Variants in PPM1L observed in about 807,000 individuals in gnomAD.
PPM1L encodes the protein protein phosphatase 1L.
Under a neutral mutation model 31.4 loss-of-function variants are expected in PPM1L, and 13 were observed. That is an observed-to-expected ratio of 0.41 (90% CI 0.27 to 0.66). The LOEUF is 0.66. Among genes scored for constraint, PPM1L ranks in the 30% least tolerant of loss-of-function variants. The pLI is 0.29. For missense variants in PPM1L, 326 were observed against 453.7 expected (o/e 0.72, Z 2.56); for synonymous variants, 184 against 175.4 (o/e 1.05, Z -0.39).
intron 1 of PPM1L, among the ~76,000 whole-genome samples, chr3:160,903,208 T>TTTTGTG (rs1713617286): frequency 8.3e-6 from 1 of 120,038 alleles, no homozygotes; most frequent in Non-Finnish European, 1.7e-5. Context: ...GTGTGTATGT[T>TTTTGTG]TGTGTGTGTG....
chr3:160,979,055 G>A (rs1007822550), intron 2 of PPM1L, among the ~76,000 whole-genome samples: 2 of 151,886 alleles, frequency 1.3e-5, no homozygotes, highest in Non-Finnish European at 2.9e-5. Flanking sequence ...GAAGATGAAA[G>A]AAAAGATGTT....
At chr3:160,825,973 C>T (rs905693891) in intron 1 of PPM1L, among the ~76,000 whole-genome samples, 4 of 152,104 alleles carry the variant, frequency 2.6e-5, no homozygotes, top group African/African-American at 9.7e-5. Flanking sequence ...TGCCTTCCTG[C>T]TCAGACTTTT....
chr3:161,002,461 A>T (rs1220587380), intron 2 of PPM1L, among the ~76,000 whole-genome samples: 1 of 152,134 alleles, frequency 6.6e-6, no homozygotes, highest in Non-Finnish European at 1.5e-5. Context: ...CCAACAGCGT[A>T]AAAGTGTTCC....
chr3:160,873,070 T>A (rs56665329), intron 1 of PPM1L, among the ~76,000 whole-genome samples: 56,375 of 152,202 alleles, frequency 0.37, 13,334 homozygotes, highest in Non-Finnish European at 0.53. Flanking sequence ...TAAAGATGAT[T>A]TTTAAAAAAG....
intron 1 of PPM1L, among the ~76,000 whole-genome samples, chr3:160,838,240 T>C (rs1713776144): frequency 6.6e-6 from 1 of 152,194 alleles, no homozygotes; most frequent in South Asian, 2.1e-4. Flanking sequence ...AGAACATGGA[T>C]AATGAAATGA....
In PPM1L at chr3:160,786,132, T is replaced by A. The variant is rs1352618643; in HGVS notation, c.399+29425T>A. Among the ~76,000 whole-genome samples the A allele has an allele frequency of 1.6e-3, 110 of 68,156 alleles. 1 individual carries two copies. Among genetic ancestry groups the A allele is most frequent in the African/African-American group, 4.9e-3 (48 of 9,800 alleles). The allele number at this position is 68,156 out of a possible 152,430, so 44.7% of individuals were successfully genotyped here. A position where few individuals can be genotyped will look rare whatever the true frequency, so the allele number is the denominator to read the frequency against. ...ATAAAGATGGAATCTCATTTTTCTC[T>A]CTCTCTCTCTCTCTCTCTCTCTCTC... is the stretch of plus-strand genomic sequence containing the variant. On this transcript the variant is annotated intron_variant, in intron 1 of 3. Coordinates refer to ENST00000498165, the MANE Select transcript of PPM1L (RefSeq NM_139245.4).
intron 1 of PPM1L, among the ~76,000 whole-genome samples, chr3:160,857,389 A>G (rs1711747724): frequency 6.6e-6 from 1 of 152,194 alleles, no homozygotes; most frequent in Non-Finnish European, 1.5e-5. Context: ...TTAATATACA[A>G]CTACAGTTGT....
At chr3:161,057,662 T>A (rs1217937326) in intron 2 of PPM1L, among the ~76,000 whole-genome samples, 2 of 152,056 alleles carry the variant, frequency 1.3e-5, no homozygotes, top group African/African-American at 4.8e-5. Flanking sequence ...AGACTTCCCT[T>A]GAAAAATCGG....
chr3:160,777,805 G>A (rs977208082), intron 1 of PPM1L, among the ~76,000 whole-genome samples: 1 of 152,050 alleles, frequency 6.6e-6, no homozygotes, highest in East Asian at 1.9e-4. Flanking sequence ...CTTGGCTATT[G>A]TGACTAGTAC....
At chr3:160,860,298 T>G in intron 1 of PPM1L, among the ~76,000 whole-genome samples, 1 of 152,214 alleles carries the variant, frequency 6.6e-6, no homozygotes, top group East Asian at 1.9e-4. Flanking sequence ...TACAAACTCC[T>G]GACTCACCTT....
chr3:160,885,065 G>A (rs1712861005), intron 1 of PPM1L, among the ~76,000 whole-genome samples: 1 of 152,110 alleles, frequency 6.6e-6, no homozygotes, highest in African/African-American at 2.4e-5. Context: ...TCACCTTCAA[G>A]CATATTAGAC....
At chr3:160,922,002 C>T (rs895463709) in intron 1 of PPM1L, among the ~76,000 whole-genome samples, 1 of 152,198 alleles carries the variant, frequency 6.6e-6, no homozygotes, top group Non-Finnish European at 1.5e-5. Flanking sequence ...AAATTCCCAT[C>T]TGGATGCTGA....
At chr3:160,990,282 G>A (rs932906010) in intron 2 of PPM1L, among the ~76,000 whole-genome samples, 6 of 151,938 alleles carry the variant, frequency 3.9e-5, no homozygotes, top group African/African-American at 1.2e-4. Flanking sequence ...GATTACAGGG[G>A]TGAGCCACCA....
intron 1 of PPM1L, among the ~76,000 whole-genome samples, chr3:160,809,280 G>T (rs1712735726): frequency 6.6e-6 from 1 of 152,162 alleles, no homozygotes; most frequent in South Asian, 2.1e-4. Context: ...ATGAAGAAAT[G>T]CCAAGGAAAT....
At chr3:160,784,398 T>C (rs1426952115) in intron 1 of PPM1L, among the ~76,000 whole-genome samples, 1 of 152,182 alleles carries the variant, frequency 6.6e-6, no homozygotes, top group African/African-American at 2.4e-5. Context: ...CAAATCATCT[T>C]CTACCATATG....
intron 2 of PPM1L, among the ~76,000 whole-genome samples, chr3:160,994,675 C>G (rs1373372035): frequency 6.6e-6 from 1 of 152,174 alleles, no homozygotes; most frequent in Non-Finnish European, 1.5e-5. Context: ...GTACTAAGTT[C>G]TGGAAATTCA....
intron 1 of PPM1L, among the ~76,000 whole-genome samples, chr3:160,823,805 A>T (rs1713275974): frequency 6.6e-6 from 1 of 152,156 alleles, no homozygotes; most frequent in Non-Finnish European, 1.5e-5. Flanking sequence ...TTTGTTTAAG[A>T]ATCCTATAGC....
rs1715302985 is a variant in PPM1L at position 160,944,833 on chromosome 3, T to TATATATGTTATATAACATATATA, written c.400-16889_400-16888insACATATATAATATATGTTATATA. Among the ~76,000 whole-genome samples, 30 of 13,292 alleles carry TATATATGTTATATAACATATATA rather than the reference T, an allele frequency of 2.3e-3. 1 individual carries two copies. The highest frequency in any genetic ancestry group is 5.0e-3 in the African/African-American group (29 of 5,822). The allele number at this position is 13,292 out of a possible 152,430, so 8.7% of individuals were successfully genotyped here. A position where few individuals can be genotyped will look rare whatever the true frequency, so the allele number is the denominator to read the frequency against. ...TAACATATATATGTTATATATAACA[T>TATATATGTTATATAACATATATA]ATATATGTTATATATAACATATATT... On this transcript the variant is annotated intron_variant, in intron 1 of 3. Coordinates refer to ENST00000498165, the MANE Select transcript of PPM1L (RefSeq NM_139245.4).
chr3:161,044,593 G>A (rs1371445659), intron 2 of PPM1L, among the ~76,000 whole-genome samples: 3 of 151,796 alleles, frequency 2.0e-5, no homozygotes, highest in Admixed American at 6.6e-5. Context: ...TCACCACCAG[G>A]CCTGCCCTAC....
Sources: allele counts gnomAD v4.1 joint callset (sites outside exome capture counted in the v4.1 genomes callset), GRCh38; gene constraint gnomAD v4.1.1; transcripts MANE v1.5; gene names NCBI Gene and HGNC (gene_info 2026-07-23, HGNC 2026-07-21).